Variants in LOC400499 observed in about 807,000 individuals in gnomAD.
chr16:11,494,586 C>T, the LOC400499 span: 60 of 373,468 alleles, frequency 1.6e-4, no homozygotes, highest in Non-Finnish European at 2.4e-4. Context: ...TTGTCATCAT[C>T]CGAGGGCTCC....
At chr16:11,491,740 G>A in the LOC400499 span, 1 of 398,442 alleles carries the variant, frequency 2.5e-6, no homozygotes, top group Non-Finnish European at 4.4e-6. Context: ...CGCCGCACCT[G>A]GGCAAACACC....
the LOC400499 span, among the ~76,000 whole-genome samples, chr16:11,510,604 C>T: frequency 1.3e-5 from 2 of 151,682 alleles, no homozygotes; most frequent in African/African-American, 4.9e-5. Context: ...TGATTTCCCC[C>T]TCCCAGGAGG....
chr16:11,424,606 T>TA, the LOC400499 span, among the ~76,000 whole-genome samples: 1 of 152,210 alleles, frequency 6.6e-6, no homozygotes, highest in East Asian at 1.9e-4. Context: ...CAGCCGGTGA[T>TA]AAGACCCATG....
the LOC400499 span, chr16:11,488,984 G>A: frequency 2.5e-6 from 1 of 396,304 alleles, no homozygotes; most frequent in East Asian, 3.6e-5. Flanking sequence ...CCACGCACGG[G>A]GGCTTCTCAG....
chr16:11,431,702 G>A, the LOC400499 span, among the ~76,000 whole-genome samples: 7 of 152,128 alleles, frequency 4.6e-5, no homozygotes, highest in Non-Finnish European at 8.8e-5. Context: ...TGCTGTGCCT[G>A]GCCTTGAACT....
the LOC400499 span, chr16:11,450,832 A>G: frequency 5.9e-6 from 9 of 1,522,498 alleles, no homozygotes; most frequent in Non-Finnish European, 7.9e-6. Flanking sequence ...TGCAAGCAAC[A>G]AAGAAGGAGA....
At chr16:11,514,324 G>C in the LOC400499 span, 1 of 399,144 alleles carries the variant, frequency 2.5e-6, no homozygotes. Flanking sequence ...TCATGCCACG[G>C]CCAGGGGGTG....
At chr16:11,410,208 C>G in the LOC400499 span, among the ~76,000 whole-genome samples, 10,404 of 152,288 alleles carry the variant, frequency 0.068, 446 homozygotes, top group Non-Finnish European at 0.1. Flanking sequence ...AATCCCAACA[C>G]TTTGGGAGGC....
chr16:11,417,732 C>T, the LOC400499 span: 1 of 399,170 alleles, frequency 2.5e-6, no homozygotes, highest in Non-Finnish European at 4.4e-6. Flanking sequence ...GCTCCAGGTG[C>T]CCATCATGGT....
chr16:11,525,573 CA>C, the LOC400499 span, among the ~76,000 whole-genome samples: 2 of 152,150 alleles, frequency 1.3e-5, no homozygotes, highest in Non-Finnish European at 2.9e-5. Flanking sequence ...CACTGGGCAC[CA>C]AATTAAACAT....
At chr16:11,427,806 G>T in the LOC400499 span, among the ~76,000 whole-genome samples, 1 of 152,158 alleles carries the variant, frequency 6.6e-6, no homozygotes, top group Non-Finnish European at 1.5e-5. Context: ...AAGGGAAGGA[G>T]ACTAAGAGCA....
the LOC400499 span, among the ~76,000 whole-genome samples, chr16:11,418,540 A>C: frequency 1.3e-5 from 2 of 152,218 alleles, no homozygotes; most frequent in African/African-American, 4.8e-5. Context: ...TTGTCTAAAA[A>C]GGGGAGGCGT....
the LOC400499 span, chr16:11,448,971 T>C: frequency 1.3e-6 from 2 of 1,504,950 alleles, no homozygotes; most frequent in Non-Finnish European, 1.8e-6. Flanking sequence ...CTGGGGGCCT[T>C]TCAACCAGCA....
At chr16:11,459,088 T>G in the LOC400499 span, among the ~76,000 whole-genome samples, 2 of 151,312 alleles carry the variant, frequency 1.3e-5, no homozygotes, top group African/African-American at 4.8e-5. Flanking sequence ...AACAGTAAAT[T>G]TTACATGATG....
chr16:11,460,933 C>A, the LOC400499 span: 1 of 1,502,256 alleles, frequency 6.7e-7, no homozygotes, highest in Admixed American at 2.1e-5. Flanking sequence ...CCACCTCCAC[C>A]TGCCCCGCAA....
the LOC400499 span, among the ~76,000 whole-genome samples, chr16:11,416,953 T>C: frequency 1.2e-4 from 18 of 152,212 alleles, no homozygotes; most frequent in African/African-American, 4.3e-4. Flanking sequence ...TTTCACCCTG[T>C]GTGATCGGGA....
the LOC400499 span, among the ~76,000 whole-genome samples, chr16:11,524,601 T>A: frequency 6.6e-6 from 1 of 152,136 alleles, no homozygotes; most frequent in Non-Finnish European, 1.5e-5. Flanking sequence ...GTTGAGTGTC[T>A]CCCTTCTCCC....
the LOC400499 span, among the ~76,000 whole-genome samples, chr16:11,433,853 T>C: frequency 2.6e-5 from 4 of 152,246 alleles, no homozygotes; most frequent in East Asian, 5.8e-4. Flanking sequence ...CCTTGCCCTA[T>C]ACCTTGCCCT....
chr16:11,412,970 C>T, the LOC400499 span: 2 of 399,272 alleles, frequency 5.0e-6, no homozygotes, highest in Non-Finnish European at 8.8e-6. Context: ...AGGGAGCAGG[C>T]TGTGAGATGT....
Sources: allele counts gnomAD v4.1 joint callset (sites outside exome capture counted in the v4.1 genomes callset), GRCh38; gene constraint gnomAD v4.1.1; transcripts MANE v1.5.